The following IBTK variants were observed in gnomAD, a reference collection of about 807,000 sequenced individuals.
The protein encoded by IBTK is inhibitor of Bruton tyrosine kinase, also known as BTK-binding protein.
A neutral mutation model predicts 154.9 loss-of-function variants in IBTK; 83 were observed. The ratio of observed to expected loss-of-function variants is 0.54; its 90% CI spans 0.45 to 0.64. The LOEUF is 0.64. Among genes scored for constraint, IBTK ranks in the 30% least tolerant of loss-of-function variants. The pLI is 0.00. For synonymous variants in IBTK, 515 were observed against 536.1 expected (o/e 0.96, Z 0.54); for missense variants, 1,332 against 1,584.6 (o/e 0.84, Z 2.71).
rs1767897029 is a variant in IBTK at position 82,170,502 on chromosome 6, C to T, written c.*923G>A. ...GAAACAAACCAAACAACATCCTATACAGAAAACAATTTTTATGTCTAGATA... is the reference window on the plus strand; with the variant it reads ...GAAACAAACCAAACAACATCCTATATAGAAAACAATTTTTATGTCTAGATA... On this transcript the variant is annotated 3_prime_UTR_variant, in exon 29 of 29. Coordinates refer to ENST00000306270, the MANE Select transcript of IBTK (RefSeq NM_015525.4). 6.6e-6 allele frequency: 1 copy of T among 152,128 alleles called. No individual in the cohort carries two copies. Among genetic ancestry groups the T allele is most frequent in the South Asian group, 2.1e-4 (1 of 4,826 alleles). 9.4% of individuals were successfully genotyped at this position (152,128 alleles called of 1,614,324 possible).
rs1423023411 is a variant in IBTK, at chr6:82,240,483, T to A, written c.4A>T (p.Ser2Cys). 2.5e-6 allele frequency: 4 copies of A among 1,609,836 alleles called. No homozygotes were observed. The African/African-American group carries it at 4.0e-5, about 16-fold the overall frequency. The change falls in exon 2 of 29, where the codon AGT becomes TGT. Residue 2 changes from serine to cysteine, a missense_variant. By Grantham distance (112) the Ser-to-Cys change is moderately radical (BLOSUM62 -1). This residue lies in a region of IBTK where 84 missense variants were observed against 96.2 expected (regional missense o/e 0.87). Coordinates refer to ENST00000306270, the MANE Select transcript of IBTK (RefSeq NM_015525.4). ...GATGTGCAGTCAGGCATGGGTGAAC[T>A]CATCCTAACTGTTTTTATACCACTT... M[S>C]SPMPDCTSKC...
chr6:82,242,141 G>C (rs1362372792), intron 1 of IBTK, among the ~76,000 whole-genome samples: 1 of 152,034 alleles, frequency 6.6e-6, no homozygotes, highest in African/African-American at 2.4e-5. Flanking sequence ...AGGCCGAGGC[G>C]GGCAGATCAC....
intron 11 of IBTK, among the ~76,000 whole-genome samples, chr6:82,215,467 G>T (rs897621905): frequency 2.6e-5 from 4 of 152,054 alleles, no homozygotes; most frequent in African/African-American, 7.2e-5. Flanking sequence ...CAGAATCTGA[G>T]AACCCAGGGT....
Position 82,220,589 on chromosome 6 carries a change from C to A in IBTK, c.1248+1G>T, listed in dbSNP as rs1248410239. ...ACACTTTTACATAAACATGTACTTA[C>A]CCTTCCAGCTCCATCCATTGCAAGA... is the stretch of plus-strand genomic sequence containing the variant. On this transcript the variant is annotated splice_donor_variant, in intron 9 of 28. Transcript: ENST00000306270. LOFTEE classifies it high-confidence loss of function. 1 of 1,604,540 alleles carries A rather than the reference C, an allele frequency of 6.2e-7. No individual in the cohort carries two copies. The highest frequency in any genetic ancestry group is 1.7e-5 in the Admixed American group (1 of 57,792).
chr6:82,198,608 A>G (rs984008958), intron 21 of IBTK, among the ~76,000 whole-genome samples: 21 of 152,016 alleles, frequency 1.4e-4, no homozygotes, highest in African/African-American at 4.8e-4. Flanking sequence ...TTTTTTTTCC[A>G]AAGGGACACA....
intron 1 of IBTK, 62 bp downstream of exon 1, chr6:82,247,500 C>G (rs1409183555): frequency 5.0e-6 from 2 of 398,510 alleles, no homozygotes; most frequent in East Asian, 7.1e-5. Context: ...ATACTCTCCC[C>G]CTGCCCCCGG....
intron 6 of IBTK, among the ~76,000 whole-genome samples, chr6:82,224,493 A>G (rs1016010871): frequency 6.6e-6 from 1 of 152,250 alleles, no homozygotes; most frequent in Non-Finnish European, 1.5e-5. Context: ...TATGCAAAGC[A>G]GCCAGTCTCA....
intron 26 of IBTK, chr6:82,173,694 A>G (rs2127795879): frequency 6.6e-6 from 1 of 151,246 alleles, no homozygotes; most frequent in East Asian, 1.2e-4. Context: ...TACACACACC[A>G]GATAAACCAA....
chr6:82,181,074 A>G (rs1768302510), intron 26 of IBTK, among the ~76,000 whole-genome samples: 1 of 152,118 alleles, frequency 6.6e-6, no homozygotes, highest in African/African-American at 2.4e-5. Flanking sequence ...TTTTAAATAC[A>G]TTGGACTTTC....
At chr6:82,220,141 T>A (rs1263569403) in intron 9 of IBTK, among the ~76,000 whole-genome samples, 1 of 151,812 alleles carries the variant, frequency 6.6e-6, no homozygotes, top group Admixed American at 6.6e-5. Context: ...ACCCAGGAGG[T>A]GGAGGTTGCA....
rs554173260 is a variant in IBTK, at chr6:82,223,988, T to C, written c.943+80A>G. ...AAAATCACTCATAATCTCATTCTAATCAATAAAAATTAAAAAGAAAAGATA... is the reference window on the plus strand; with the variant it reads ...AAAATCACTCATAATCTCATTCTAACCAATAAAAATTAAAAAGAAAAGATA... On this transcript the variant is annotated intron_variant, in intron 7 of 28. Transcript: ENST00000306270. 13 of 814,940 alleles carry C rather than the reference T, an allele frequency of 1.6e-5. No homozygotes were observed. In the African/African-American group the frequency reaches 2.3e-4, roughly 14 times the overall value. 50.5% of individuals were successfully genotyped at this position (814,940 alleles called of 1,614,324 possible).
chr6:82,209,419 T>A (rs1280693685), intron 16 of IBTK, among the ~76,000 whole-genome samples: 1 of 152,222 alleles, frequency 6.6e-6, no homozygotes, highest in Non-Finnish European at 1.5e-5. Context: ...ACAACACAGA[T>A]AAATTTTTAA....
chr6:82,179,818 A>G (rs1264742899), intron 26 of IBTK, among the ~76,000 whole-genome samples: 2 of 152,216 alleles, frequency 1.3e-5, no homozygotes, highest in Non-Finnish European at 2.9e-5. Flanking sequence ...ACCTGAGCAC[A>G]TTCAAAACCA....
intron 17 of IBTK, 101 bp downstream of exon 17, chr6:82,204,756 A>C: frequency 8.7e-6 from 5 of 572,098 alleles, no homozygotes; most frequent in Non-Finnish European, 1.1e-5. Flanking sequence ...GTACCAAAAA[A>C]ATGGTCTATT....
chr6:82,215,320 C>T (rs1379420236), intron 11 of IBTK, among the ~76,000 whole-genome samples: 3 of 152,174 alleles, frequency 2.0e-5, no homozygotes, highest in Non-Finnish European at 2.9e-5. Context: ...AATCTGATAC[C>T]TCTCTGCTTA....
chr6:82,189,309 G>A (rs1234353691), intron 25 of IBTK, among the ~76,000 whole-genome samples: 1 of 151,900 alleles, frequency 6.6e-6, no homozygotes, highest in Non-Finnish European at 1.5e-5. Context: ...AAAAAAAAGT[G>A]GAGAAGAAAA....
intron 13 of IBTK, among the ~76,000 whole-genome samples, chr6:82,212,495 A>C (rs760192774): frequency 6.6e-6 from 1 of 152,212 alleles, no homozygotes; most frequent in Non-Finnish European, 1.5e-5. Flanking sequence ...AAGTCATCGG[A>C]AAGAAAAAAC....
At chr6:82,224,943 G>C (rs965466517) in intron 6 of IBTK, among the ~76,000 whole-genome samples, 1 of 152,078 alleles carries the variant, frequency 6.6e-6, no homozygotes, top group African/African-American at 2.4e-5. Flanking sequence ...AATTTCCCAA[G>C]TGCTTTCTTT....
chr6:82,204,776 G>T, intron 17 of IBTK, 81 bp downstream of exon 17: 1 of 791,544 alleles, frequency 1.3e-6, no homozygotes, highest in South Asian at 3.0e-5. Context: ...TTTACCATAA[G>T]TGGAATCATA....
Sources: gnomAD v4.1 joint callset for allele counts (sites outside exome capture counted in the v4.1 genomes callset) on GRCh38, gnomAD v4.1.1 for gene constraint, gnomAD v4.1.1 regional missense constraint, MANE v1.5 for transcripts, NCBI Gene and HGNC (gene_info 2026-07-23, HGNC 2026-07-21) for gene names.